Variants in SPRED2 observed in about 807,000 individuals in gnomAD.
SPRED2 encodes the protein sprouty related EVH1 domain containing 2.
In SPRED2, 47 loss-of-function variants were observed where a neutral mutation model predicts 43.0. The ratio of observed to expected loss-of-function variants is 1.09; its 90% CI spans 0.87 to 1.40. The LOEUF is 1.40. Ranked by LOEUF, SPRED2 falls within the 40% of genes most tolerant of loss-of-function variation. SPRED2 has a pLI of 0.00. For missense variants in SPRED2, 561 were observed against 586.4 expected, an observed-to-expected ratio of 0.96 and a Z score of 0.45; for synonymous variants, 225 against 225.7, an observed-to-expected ratio of 1.00 and a Z score of 0.03.
At chr2:65,340,238 T>A (rs1674138600) in intron 2 of SPRED2, among the ~76,000 whole-genome samples, 1 of 152,208 alleles carries the variant, frequency 6.6e-6, no homozygotes, top group South Asian at 2.1e-4. Flanking sequence ...GAATAAAATT[T>A]TGGAGTGTAA....
At chr2:65,360,100 CAAAAAAAAAAAAAA>C (rs1674767640) in intron 1 of SPRED2, among the ~76,000 whole-genome samples, 39 of 103,234 alleles carry the variant, frequency 3.8e-4, no homozygotes, top group Admixed American at 2.5e-3. Flanking sequence ...AAAAAAAAAA[CAAAAAAAAAAAAAA>C]CAAAGACCAA....
chr2:65,413,689 A>G (rs1676213135), intron 1 of SPRED2, among the ~76,000 whole-genome samples: 1 of 152,192 alleles, frequency 6.6e-6, no homozygotes, highest in Non-Finnish European at 1.5e-5. Context: ...GTGGTAAGAC[A>G]GGGCATCCTT....
intron 1 of SPRED2, among the ~76,000 whole-genome samples, chr2:65,424,455 G>C (rs1301091088): frequency 3.3e-5 from 5 of 152,056 alleles, no homozygotes; most frequent in African/African-American, 1.2e-4. Context: ...CCAGGCCATG[G>C]GTATGAGGGT....
intron 4 of SPRED2, 88 bp downstream of exon 4, chr2:65,331,898 AT>A (rs1397283906): frequency 1.0e-6 from 1 of 977,842 alleles, no homozygotes; most frequent in East Asian, 2.5e-5. Context: ...CAAACACTGC[AT>A]TGCAAAGTGT....
At chr2:65,309,505 C>CA (rs35507211), downstream of SPRED2, among the ~76,000 whole-genome samples, 14,458 of 59,568 alleles carry the variant, frequency 0.24, 1,852 homozygotes, top group East Asian at 0.33. Context: ...GACCCTGTCT[C>CA]AAAAAAAAAA....
intron 5 of SPRED2, among the ~76,000 whole-genome samples, chr2:65,314,996 T>C (rs1673193812): frequency 6.6e-6 from 1 of 152,236 alleles, no homozygotes; most frequent in Non-Finnish European, 1.5e-5. Context: ...AAATCTAAGC[T>C]GCATTCTCCC....
At chr2:65,334,572 G>A (rs778296138) in intron 3 of SPRED2, 33 bp downstream of exon 3, 1 of 1,604,864 alleles carries the variant, frequency 6.2e-7, no homozygotes, top group South Asian at 1.1e-5. Flanking sequence ...CATTTCCATA[G>A]TCCCACTAAG....
Position 65,432,367 on chromosome 2 carries a change from G to C in SPRED2, c.-380C>G, listed in dbSNP as rs1471414768. On this transcript the variant is annotated 5_prime_UTR_variant, in exon 1 of 6. Transcript: ENST00000356388. ...GAGGAGGAGGAGAGCGCCGGCCGCG[G>C]GTGGGGGGGCTCAGTCCGGGGTCGC... Among the ~76,000 whole-genome samples the C allele has an allele frequency of 6.6e-6, 1 of 151,864 alleles. No individual in the cohort carries two copies.
In SPRED2 at chr2:65,328,333, T is replaced by C. The variant is rs141431823; in HGVS notation, c.438+3654A>G. Among the ~76,000 whole-genome samples the C allele has an allele frequency of 2.2e-3, 341 of 152,330 alleles. 1 individual carries two copies. Among genetic ancestry groups the C allele is most frequent in the Middle Eastern group, 0.02 (6 of 294 alleles). The stretch of plus-strand genomic sequence containing the variant: ...CTGCAATAAAAGGAATCTGGTATAC[T>C]GACCATGTAAAATGTACTGAAACTT... On this transcript the variant is annotated intron_variant, in intron 4 of 5. Transcript: ENST00000356388.
chr2:65,383,824 C>CA (rs1367908966), intron 1 of SPRED2, among the ~76,000 whole-genome samples: 1 of 152,200 alleles, frequency 6.6e-6, no homozygotes, highest in Non-Finnish European at 1.5e-5. Context: ...GCCTCAAACT[C>CA]AGAGGAAATA....
In SPRED2 at chr2:65,313,059, G is replaced by A; in HGVS notation, c.*442C>T. The A allele has an allele frequency of 6.1e-6, 6 of 987,916 alleles. No individual in the cohort carries two copies. Among genetic ancestry groups the A allele is most frequent in the Non-Finnish European group, 7.2e-6 (6 of 831,800 alleles). 61.2% of individuals were successfully genotyped at this position (987,916 alleles called of 1,614,324 possible). A position where few individuals can be genotyped will look rare whatever the true frequency, so the allele number is the denominator to read the frequency against. ...CAGATGCTTGCTAGCGACAGGCAAG[G>A]TGAACCAAGAGAAAGAGAGTCTTCG... On this transcript the variant is annotated 3_prime_UTR_variant, in exon 6 of 6. Transcript: ENST00000356388.
At chr2:65,349,308 C>CA (rs59019958) in intron 1 of SPRED2, among the ~76,000 whole-genome samples, 8,374 of 83,318 alleles carry the variant, frequency 0.1, 1,132 homozygotes, top group African/African-American at 0.26. Flanking sequence ...GACTCTGTCT[C>CA]AAAAAAAAAA....
chr2:65,388,988 T>C (rs1375175745), intron 1 of SPRED2, among the ~76,000 whole-genome samples: 1 of 152,024 alleles, frequency 6.6e-6, no homozygotes, highest in Admixed American at 6.6e-5. Flanking sequence ...GTTCAACAGG[T>C]GGGGGTCAGG....
chr2:65,396,804 C>T (rs1675769251), intron 1 of SPRED2, among the ~76,000 whole-genome samples: 1 of 152,222 alleles, frequency 6.6e-6, no homozygotes, highest in African/African-American at 2.4e-5. Context: ...TCACCCTGCT[C>T]TGATGCAAAC....
intron 1 of SPRED2, among the ~76,000 whole-genome samples, chr2:65,358,770 A>G (rs1674726236): frequency 6.6e-6 from 1 of 152,250 alleles, no homozygotes; most frequent in Non-Finnish European, 1.5e-5. Flanking sequence ...CCAGCCCACG[A>G]AAGCCCAATC....
At position 65,361,059 on chromosome 2, in the gene SPRED2, T is replaced by G. The variant is rs148521376; in HGVS notation, c.27-16163A>C. ...ATCTCTATTTTTATTAAAAAATTCT[T>G]TTAAAAGAAAAAAGGAGTAAACATT... On this transcript the variant is annotated intron_variant, in intron 1 of 5. Coordinates refer to ENST00000356388, the MANE Select transcript of SPRED2 (RefSeq NM_181784.3). Among the ~76,000 whole-genome samples the G allele has an allele frequency of 3.3e-3, 504 of 152,296 alleles. 3 individuals carry two copies. Among genetic ancestry groups the G allele is most frequent in the African/African-American group, 0.011 (467 of 41,558 alleles).
intron 1 of SPRED2, among the ~76,000 whole-genome samples, chr2:65,367,577 T>G (rs978501634): frequency 6.6e-6 from 1 of 152,326 alleles, no homozygotes; most frequent in Admixed American, 6.5e-5. Flanking sequence ...GGAGCTGAAC[T>G]TGAAGTTGTT....
intron 1 of SPRED2, among the ~76,000 whole-genome samples, chr2:65,378,678 G>A (rs1675302670): frequency 6.6e-6 from 1 of 152,290 alleles, no homozygotes; most frequent in Non-Finnish European, 1.5e-5. Context: ...GTTGGTGACC[G>A]CACAAAAGTC....
downstream of SPRED2, chr2:65,308,182 A>AC (rs1672980695): frequency 2.1e-6 from 1 of 485,864 alleles, no homozygotes; most frequent in Non-Finnish European, 2.7e-6. Flanking sequence ...GCAGGAGGCG[A>AC]CCCCAAAGGC....
Sources: gnomAD v4.1 joint callset for allele counts (sites outside exome capture counted in the v4.1 genomes callset) on GRCh38, gnomAD v4.1.1 for gene constraint, MANE v1.5 for transcripts, NCBI Gene and HGNC (gene_info 2026-07-23, HGNC 2026-07-21) for gene names.